The following AACS variants were observed in gnomAD, a reference collection of about 807,000 sequenced individuals.
AACS encodes acetoacetyl-CoA synthetase.
In AACS, 69 loss-of-function variants were observed where a neutral mutation model predicts 83.1. The ratio of observed to expected loss-of-function variants is 0.83; its 90% CI spans 0.68 to 1.01. AACS has a LOEUF of 1.01. Ranked by LOEUF, AACS falls within the 50% of genes least tolerant of loss-of-function variation. The pLI is 0.00. For missense variants in AACS, 866 were observed against 882.2 expected (o/e 0.98, Z 0.23); for synonymous variants, 333 against 343.4 (o/e 0.97, Z 0.33).
chr12:125,103,062 C>A lies in AACS; in HGVS notation c.748C>A (p.Leu250Ile). ...PYVSSRENID[L>I]SKIPNSVFLD... ...TGTGTCCTCCAGAGAGAACATAGAC[C>A]TTTCAAAGATTCCAAACAGGTAATG... Residue 250 changes from leucine (L) to isoleucine (I), a missense_variant, in exon 7 of 18, where the codon CTT becomes ATT. Coordinates refer to ENST00000316519, the MANE Select transcript of AACS (RefSeq NM_023928.5). 1 of 1,613,932 alleles carries A rather than the reference C, an allele frequency of 6.2e-7. No individual in the cohort carries two copies. The highest frequency in any genetic ancestry group is 8.5e-7 in the Non-Finnish European group (1 of 1,179,966).
chr12:125,083,736 C>T (rs1321292164), intron 3 of AACS, among the ~76,000 whole-genome samples: 3 of 152,058 alleles, frequency 2.0e-5, no homozygotes, highest in African/African-American at 4.8e-5. Flanking sequence ...TCACTGCAAC[C>T]TCCGTCTCCT....
chr12:125,129,546 C>T lies in AACS; in HGVS notation c.1549+86C>T. On this transcript the variant is annotated intron_variant, in intron 14 of 17. Coordinates refer to ENST00000316519, the MANE Select transcript of AACS (RefSeq NM_023928.5). This position sits in a 1 kb window ranked among gnomAD's most constrained non-coding sequence, Gnocchi z 4.3. ...CTAATTCTGTACCATCGTGCCCCTC[C>T]CCTCTTCCTTCCCCCACCAGGGCTT... is the stretch of plus-strand genomic sequence containing the variant. 6.7e-7 allele frequency: 1 copy of T among 1,489,152 alleles called. No homozygotes were observed. The highest frequency in any genetic ancestry group is 9.0e-7 in the Non-Finnish European group (1 of 1,108,564). 92.2% of individuals were successfully genotyped at this position (1,489,152 alleles called of 1,614,324 possible).
At position 125,113,847 on chromosome 12, in the gene AACS, C is replaced by G. The variant is rs952493643; in HGVS notation, c.916-630C>G. Among the ~76,000 whole-genome samples the G allele has an allele frequency of 1.3e-5, 2 of 152,080 alleles. No individual in the cohort carries two copies. The highest frequency in any genetic ancestry group is 6.6e-5 in the Admixed American group (1 of 15,260). ...ATCTGCTTCAGAGTTCTGGACCGTG[C>G]AAATACATTGCCTATTAAGCACCAA... On this transcript the variant is annotated intron_variant, in intron 8 of 17. Transcript: ENST00000316519. The surrounding 1 kb of genome is among the most constrained non-coding windows in gnomAD (Gnocchi z 4.8).
intron 13 of AACS, chr12:125,128,812 G>C (rs1025706840): frequency 2.6e-5 from 4 of 154,340 alleles, no homozygotes; most frequent in African/African-American, 9.6e-5. Context: ...AATGTTTGTA[G>C]CGCCCCATGA....
rs752743179 is a variant in AACS at position 125,129,325 on chromosome 12, C to T, written c.1424-10C>T. 8 of 1,609,522 alleles carry T rather than the reference C, an allele frequency of 5.0e-6. No individual in the cohort carries two copies. In the Admixed American group the frequency reaches 1.0e-4, roughly 20 times the overall value. ...GTGTGTTGGGCTTATTTTTAATTCTCCCATACCAGGAAAGGCGGTCTGGGG... is the reference window on the plus strand; with the variant it reads ...GTGTGTTGGGCTTATTTTTAATTCTTCCATACCAGGAAAGGCGGTCTGGGG... On this transcript the variant is annotated splice_polypyrimidine_tract_variant and intron_variant, in intron 13 of 17. Transcript: ENST00000316519. This position sits in a 1 kb window ranked among gnomAD's most constrained non-coding sequence, Gnocchi z 4.3.
At chr12:125,077,577 TTGTAA>T (rs1956056715) in intron 3 of AACS, among the ~76,000 whole-genome samples, 1 of 152,112 alleles carries the variant, frequency 6.6e-6, no homozygotes, top group East Asian at 1.9e-4. Flanking sequence ...CTAAGACATC[TTGTAA>T]TGTAAGACTC....
At chr12:125,100,733 C>T (rs1388269026) in intron 5 of AACS, among the ~76,000 whole-genome samples, 1 of 152,122 alleles carries the variant, frequency 6.6e-6, no homozygotes, top group Non-Finnish European at 1.5e-5. Context: ...GTCTGGGGCC[C>T]CAGGTGAGGC....
chr12:125,124,860 CACTGGGTTTAGTTTT>C, intron 11 of AACS, 27 bp from the exon 12 acceptor site: 2 of 1,614,000 alleles, frequency 1.2e-6, no homozygotes, highest in Non-Finnish European at 1.7e-6. Context: ...AGGCTTCAGG[CACTGGGTTTAGTTTT>C]AATCTTTTGG....
chr12:125,066,505 A>G (rs1459281429), intron 1 of AACS, among the ~76,000 whole-genome samples: 1 of 142,062 alleles, frequency 7.0e-6, no homozygotes, highest in Admixed American at 7.3e-5. Flanking sequence ...GCTGGAGTGC[A>G]ATGGCGAGAT....
At chr12:125,133,860 T>G (rs1957361678) in intron 14 of AACS, 143 bp from the exon 15 acceptor site, 1 of 767,200 alleles carries the variant, frequency 1.3e-6, no homozygotes, top group East Asian at 2.7e-5. Context: ...AGGAACTGTC[T>G]GGCTCCCTCT....
intron 8 of AACS, among the ~76,000 whole-genome samples, chr12:125,109,762 T>C (rs975802858): frequency 6.6e-6 from 1 of 152,146 alleles, no homozygotes; most frequent in Non-Finnish European, 1.5e-5. Flanking sequence ...GAGCAGCTCC[T>C]TGGGCTTCTT....
intron 1 of AACS, among the ~76,000 whole-genome samples, chr12:125,071,912 C>T (rs1236859867): frequency 2.0e-5 from 3 of 152,152 alleles, no homozygotes; most frequent in Non-Finnish European, 2.9e-5. Flanking sequence ...GGCTGGAGTG[C>T]AGTGGCACGA....
intron 3 of AACS, among the ~76,000 whole-genome samples, chr12:125,079,690 G>T (rs927196747): frequency 3.3e-5 from 5 of 152,242 alleles, no homozygotes; most frequent in African/African-American, 9.6e-5. Context: ...CGTCCAGCCA[G>T]CTCCTTTCTT....
At chr12:125,076,645 C>G in intron 3 of AACS, 34 bp downstream of exon 3, 1 of 1,612,384 alleles carries the variant, frequency 6.2e-7, no homozygotes, top group Non-Finnish European at 8.5e-7. Context: ...GGATTTCCTC[C>G]GTGGAAGTTC....
At chr12:125,091,654 TGCC>T (rs1404376022) in intron 5 of AACS, 131 bp downstream of exon 5, 1 of 875,974 alleles carries the variant, frequency 1.1e-6, no homozygotes, top group Non-Finnish European at 1.8e-6. Flanking sequence ...GCGTTGCAGC[TGCC>T]TCTATGGGGA....
At chr12:125,066,526 T>G (rs1427225052) in intron 1 of AACS, among the ~76,000 whole-genome samples, 5 of 148,328 alleles carry the variant, frequency 3.4e-5, no homozygotes, top group Non-Finnish European at 7.4e-5. Flanking sequence ...CTCGGCACAC[T>G]GCAACCTCCG....
intron 17 of AACS, 37 bp from the exon 18 acceptor site, chr12:125,142,055 G>C: frequency 6.2e-7 from 1 of 1,612,460 alleles, no homozygotes; most frequent in East Asian, 2.2e-5. Flanking sequence ...CCCCCTTCAG[G>C]TTTAAATGTT....
intron 10 of AACS, among the ~76,000 whole-genome samples, chr12:125,119,402 G>T (rs74684572): frequency 0.05 from 7,552 of 152,246 alleles, 259 homozygotes; most frequent in African/African-American, 0.087. Context: ...GAGTGAGATT[G>T]TATTCATCCA....
chr12:125,126,301 G>T (rs540066829), intron 12 of AACS: 4 of 152,192 alleles, frequency 2.6e-5, no homozygotes, highest in Admixed American at 6.5e-5. Context: ...TTAACATAAA[G>T]TTGTGCTTTA....
Sources: gnomAD v4.1 joint callset for allele counts (sites outside exome capture counted in the v4.1 genomes callset) on GRCh38, gnomAD v4.1.1 for gene constraint, Gnocchi (gnomAD v3.1) non-coding constraint, MANE v1.5 for transcripts, NCBI Gene and HGNC (gene_info 2026-07-23, HGNC 2026-07-21) for gene names.